Variants in OSBPL5 observed in about 807,000 individuals in gnomAD.
OSBPL5 encodes oxysterol binding protein like 5.
A neutral mutation model predicts 111.2 loss-of-function variants in OSBPL5; 71 were observed. The observed-to-expected ratio is 0.64, with a 90% CI of 0.53 to 0.78. The LOEUF (loss-of-function observed/expected upper bound fraction) is 0.78. Among genes scored for constraint, OSBPL5 ranks in the 30% least tolerant of loss-of-function variants. The pLI, the probability that OSBPL5 is intolerant of heterozygous loss-of-function variation, is 0.00. For missense variants in OSBPL5, 1,210 were observed against 1,189.3 expected, an observed-to-expected ratio of 1.02 and a Z score of -0.26; for synonymous variants, 549 against 513.9, an observed-to-expected ratio of 1.07 and a Z score of -0.93.
rs116242436 is a variant in OSBPL5 at position 3,144,082 on chromosome 11, T to G, written c.-21-14913A>C. ...CAAACCTCGATGGCTCCTCCCATCC[T>G]CAGGGGGTCCCACAGCCCTGAGACC... On this transcript the variant is annotated intron_variant, in intron 1 of 21. Transcript: ENST00000263650. Among the ~76,000 whole-genome samples, 1,492 of 152,246 alleles carry G rather than the reference T, an allele frequency of 9.8e-3. 26 individuals carry two copies. Among genetic ancestry groups the G allele is most frequent in the African/African-American group, 0.034 (1,420 of 41,516 alleles).
intron 1 of OSBPL5, among the ~76,000 whole-genome samples, chr11:3,136,985 T>C (rs549858910): frequency 2.0e-5 from 3 of 152,336 alleles, no homozygotes; most frequent in East Asian, 3.9e-4. Flanking sequence ...TAAGCCCAAA[T>C]GCTTGGCTCT....
chr11:3,091,360 T>C (rs1371304809), intron 19 of OSBPL5, among the ~76,000 whole-genome samples: 2 of 152,086 alleles, frequency 1.3e-5, no homozygotes, highest in African/African-American at 4.8e-5. Flanking sequence ...TTGGGTGTGG[T>C]CAGCGACGGG....
At chr11:3,137,872 C>T (rs958539191) in intron 1 of OSBPL5, among the ~76,000 whole-genome samples, 6 of 152,342 alleles carry the variant, frequency 3.9e-5, no homozygotes, top group East Asian at 1.9e-4. Context: ...GGCCAGGCTG[C>T]GCCTGGGATC....
chr11:3,125,242 A>G (rs1411236776), intron 3 of OSBPL5, among the ~76,000 whole-genome samples: 1 of 152,222 alleles, frequency 6.6e-6, no homozygotes, highest in Non-Finnish European at 1.5e-5. Context: ...TTAAAAATAT[A>G]ATTTAGAACC....
At chr11:3,128,416 C>A (rs1858710086) in intron 2 of OSBPL5, among the ~76,000 whole-genome samples, 1 of 152,196 alleles carries the variant, frequency 6.6e-6, no homozygotes, top group Non-Finnish European at 1.5e-5. Flanking sequence ...CACAGCTCAG[C>A]CTTGGCTGGG....
rs1857646574 is a variant in OSBPL5 at position 3,105,060 on chromosome 11, G to T, written c.1060-683C>A. Among the ~76,000 whole-genome samples the T allele has an allele frequency of 6.6e-6, 1 of 152,048 alleles. No homozygotes were observed. Among genetic ancestry groups the T allele is most frequent in the Non-Finnish European group, 1.5e-5 (1 of 68,008 alleles). On this transcript the variant is annotated intron_variant, in intron 9 of 21. Transcript: ENST00000263650. This position sits in a 1 kb window ranked among gnomAD's most constrained non-coding sequence, Gnocchi z 5.2. The stretch of plus-strand genomic sequence containing the variant: ...CACAGCTCCAGAATACATGACTTGG[G>T]GTGGCGGGGCTCCCCTTACTCACTC...
At position 3,092,662 on chromosome 11, in the gene OSBPL5, G is replaced by T. The variant is rs1471002674; in HGVS notation, c.2133-104C>A. On this transcript the variant is annotated intron_variant, in intron 18 of 21. Transcript: ENST00000263650. This position sits in a 1 kb window ranked among gnomAD's most constrained non-coding sequence, Gnocchi z 5.4. ...CCCCAACAGTGGCCAGAGACCTCCA[G>T]GAGAATGACCACTGCCCACACCCCA... The T allele has an allele frequency of 2.8e-6, 4 of 1,421,032 alleles. No homozygotes were observed. The African/African-American group carries it at 4.3e-5, about 15-fold the overall frequency. 88.0% of individuals were successfully genotyped at this position (1,421,032 alleles called of 1,614,324 possible).
At chr11:3,093,913 A>AAGAAT in intron 15 of OSBPL5, 78 bp from the exon 16 acceptor site, 1 of 1,505,690 alleles carries the variant, frequency 6.6e-7, no homozygotes, top group Non-Finnish European at 9.0e-7. Flanking sequence ...GGGGGCACGG[A>AAGAAT]ACAGTTATTC....
chr11:3,113,990 T>C lies in OSBPL5; in HGVS notation c.691+5557A>G, dbSNP rs1858108940. On this transcript the variant is annotated intron_variant, in intron 7 of 21. Transcript: ENST00000263650. This position sits in a 1 kb window ranked among gnomAD's most constrained non-coding sequence, Gnocchi z 4.8. The stretch of plus-strand genomic sequence containing the variant: ...TGACAATTGCAGTTTTTATAAATAA[T>C]CTAGGTAAATGATTAAAATAATTAG... Among the ~76,000 whole-genome samples the C allele has an allele frequency of 6.6e-6, 1 of 152,194 alleles. No homozygotes were observed. Among genetic ancestry groups the C allele is most frequent in the Non-Finnish European group, 1.5e-5 (1 of 68,028 alleles).
chr11:3,150,283 C>T lies in OSBPL5; in HGVS notation c.-22+14933G>A, dbSNP rs895561. ...GGGAGCAGACGGTGCTTTTCTCCCC[C>T]TCACTTTTTAAAGACAGCTTTTTTT... On this transcript the variant is annotated intron_variant, in intron 1 of 21. Coordinates refer to ENST00000263650, the MANE Select transcript of OSBPL5 (RefSeq NM_020896.4). Among the ~76,000 whole-genome samples, 1,062 of 152,260 alleles carry T rather than the reference C, an allele frequency of 7.0e-3. 10 individuals carry two copies. The highest frequency in any genetic ancestry group is 0.032 in the South Asian group (155 of 4,820).
intron 13 of OSBPL5, 82 bp from the exon 14 acceptor site, chr11:3,100,338 A>G (rs901107458): frequency 2.4e-5 from 30 of 1,238,492 alleles, no homozygotes; most frequent in Non-Finnish European, 3.4e-5. Context: ...ACAGGGTCTG[A>G]GCTCCTTCCA....
chr11:3,090,704 G>T lies in OSBPL5; in HGVS notation c.2260-8C>A, dbSNP rs776363556. On this transcript the variant is annotated splice_region_variant and splice_polypyrimidine_tract_variant and intron_variant, in intron 19 of 21. Transcript: ENST00000263650. Reference sequence around the variant, plus strand: ...CTGGTCTGGGCCAGACCTCTGCAGAGAAATGGAGCTGCTGCAGCTGAAAGC... The same window carrying T: ...CTGGTCTGGGCCAGACCTCTGCAGATAAATGGAGCTGCTGCAGCTGAAAGC... The T allele has an allele frequency of 2.1e-5, 34 of 1,607,212 alleles. No homozygotes were observed. In the African/African-American group the frequency reaches 4.0e-4, roughly 19 times the overall value.
In OSBPL5 at chr11:3,121,126, T is replaced by C. The variant is rs1590680279; in HGVS notation, c.403-502A>G. ...GGCTGGAGGTGCAGTGGTGCTATCT[T>C]GGCTCGCTGCAAACTCTGCCTCCCA... On this transcript the variant is annotated intron_variant, in intron 5 of 21. Coordinates refer to ENST00000263650, the MANE Select transcript of OSBPL5 (RefSeq NM_020896.4). This position sits in a 1 kb window ranked among gnomAD's most constrained non-coding sequence, Gnocchi z 4.3. 6.6e-6 allele frequency among the ~76,000 whole-genome samples: 1 copy of C among 150,894 alleles called. No homozygotes were observed. Among genetic ancestry groups the C allele is most frequent in the African/African-American group, 2.4e-5 (1 of 41,014 alleles).
At chr11:3,112,316 G>T (rs1197430188) in intron 7 of OSBPL5, among the ~76,000 whole-genome samples, 1 of 152,118 alleles carries the variant, frequency 6.6e-6, no homozygotes, top group Admixed American at 6.6e-5. Flanking sequence ...ATAGTTTATA[G>T]TAGCCTGGGG....
rs549979743 is a variant in OSBPL5 at position 3,096,261 on chromosome 11, G to A, written c.1622-1927C>T. The stretch of plus-strand genomic sequence containing the variant: ...GGGATATGAACCAGATTGTAGACTC[G>A]ATGACAACTAAGAGTTTGTTTGTTT... On this transcript the variant is annotated intron_variant, in intron 14 of 21. Transcript: ENST00000263650. Among the ~76,000 whole-genome samples the A allele has an allele frequency of 1.8e-4, 28 of 152,300 alleles. No individual in the cohort carries two copies. The South Asian group carries it at 1.9e-3, about 10-fold the overall frequency.
At chr11:3,129,246 C>T in intron 1 of OSBPL5, 77 bp from the exon 2 acceptor site, 1 of 1,300,428 alleles carries the variant, frequency 7.7e-7, no homozygotes. Context: ...GGGGGTGCCC[C>T]TGGCTAAGAA....
In OSBPL5 at chr11:3,089,840, G is replaced by A. The variant is rs1856996029; in HGVS notation, c.2501+6C>T. The A allele has an allele frequency of 1.3e-6, 2 of 1,555,338 alleles. No individual in the cohort carries two copies. Among genetic ancestry groups the A allele is most frequent in the African/African-American group, 1.4e-5 (1 of 73,346 alleles). ...AGTCTGGATGGACACCCTGAGTGTGGCCCACCTGTGCAGCTCCTGCTGGGC... is the reference window on the plus strand; with the variant it reads ...AGTCTGGATGGACACCCTGAGTGTGACCCACCTGTGCAGCTCCTGCTGGGC... On this transcript the variant is annotated splice_donor_region_variant and intron_variant, in intron 21 of 21. Transcript: ENST00000263650.
At position 3,162,753 on chromosome 11, in the gene OSBPL5, C is replaced by T. The variant is rs1847003051; in HGVS notation, c.-22+2463G>A. On this transcript the variant is annotated intron_variant, in intron 1 of 21. Transcript: ENST00000263650. The surrounding 1 kb of genome is among the most constrained non-coding windows in gnomAD (Gnocchi z 8.1). The stretch of plus-strand genomic sequence containing the variant: ...TCAGGCTGTCAGTTGCCTCCTCAAG[C>T]TGCAGGCTCGGTAAGTCATCAAGCA... 6.6e-6 allele frequency among the ~76,000 whole-genome samples: 1 copy of T among 152,002 alleles called. No individual in the cohort carries two copies. The highest frequency in any genetic ancestry group is 6.5e-5 in the Admixed American group (1 of 15,272).
At chr11:3,102,953 C>A (rs1857508007) in intron 11 of OSBPL5, among the ~76,000 whole-genome samples, 1 of 152,170 alleles carries the variant, frequency 6.6e-6, no homozygotes, top group Non-Finnish European at 1.5e-5. Flanking sequence ...GTAATACGGC[C>A]TGAGGCTGTT....
Sources: allele counts gnomAD v4.1 joint callset (sites outside exome capture counted in the v4.1 genomes callset), GRCh38; gene constraint gnomAD v4.1.1; non-coding constraint Gnocchi (gnomAD v3.1); transcripts MANE v1.5; gene names NCBI Gene and HGNC (gene_info 2026-07-23, HGNC 2026-07-21).